Variants in CLGN observed in about 807,000 individuals in gnomAD.
The protein encoded by CLGN is testis tissue sperm-binding protein Li 79P.
In CLGN, 62 loss-of-function variants were observed where a neutral mutation model predicts 79.1. That is an observed-to-expected ratio of 0.78 (90% CI 0.64 to 0.97). The LOEUF (loss-of-function observed/expected upper bound fraction) is 0.97, where lower values mean the gene tolerates loss of function less well. Ranked by LOEUF, CLGN falls within the 50% of genes least tolerant of loss-of-function variation. The pLI, the probability that CLGN is intolerant of heterozygous loss-of-function variation, is 0.00. For synonymous variants in CLGN, 225 were observed against 224.7 expected, an observed-to-expected ratio of 1.00 and a Z score of -0.01; for missense variants, 647 against 715.5, an observed-to-expected ratio of 0.90 and a Z score of 1.09.
intron 5 of CLGN, among the ~76,000 whole-genome samples, chr4:140,403,431 A>G (rs886262592): frequency 2.0e-5 from 3 of 152,224 alleles, no homozygotes; most frequent in African/African-American, 7.2e-5. Flanking sequence ...TTTTAAATAG[A>G]GGACAGTTTG....
rs369975033 is a variant in CLGN, at chr4:140,395,836, C to T, written c.1132G>A (p.Asp378Asn). Reference sequence around the variant, plus strand: ...GTTGTTACCTGATAGTTAGGATTATCGACCAGTGGAGGTCTCCATACTCCT... The same window carrying T: ...GTTGTTACCTGATAGTTAGGATTATTGACCAGTGGAGGTCTCCATACTCCT... ...YKGVWRPPLV[D>N]NPNYQGIWSP... Residue 378 changes from aspartate to asparagine, a missense_variant, in exon 10 of 15, where the codon GAT (aspartate) becomes AAT (asparagine). Coordinates refer to ENST00000325617, the MANE Select transcript of CLGN (RefSeq NM_004362.3). The T allele has an allele frequency of 1.1e-5, 17 of 1,504,816 alleles. No homozygotes were observed. Among genetic ancestry groups the T allele is most frequent in the Admixed American group, 7.3e-5 (3 of 41,266 alleles). The allele number at this position is 1,504,816 out of a possible 1,614,324, so 93.2% of individuals were successfully genotyped here.
In CLGN at chr4:140,406,149, C is replaced by T. The variant is rs1257292407; in HGVS notation, c.278-66G>A. On this transcript the variant is annotated intron_variant, in intron 4 of 14. Transcript: ENST00000325617. ...CATTGACCTAAGAATTATTTATCAG[C>T]AGTTGTGAACAATAATTTTTATCCA... is the stretch of plus-strand genomic sequence containing the variant. 38 of 1,455,804 alleles carry T rather than the reference C, an allele frequency of 2.6e-5. 1 individual carries two copies. The highest frequency in any genetic ancestry group is 3.4e-5 in the Non-Finnish European group (36 of 1,070,438). 90.2% of individuals were successfully genotyped at this position (1,455,804 alleles called of 1,614,324 possible).
At chr4:140,394,210 T>C (rs1728828099) in intron 10 of CLGN, among the ~76,000 whole-genome samples, 169 bp from the exon 11 acceptor site, 1 of 152,202 alleles carries the variant, frequency 6.6e-6, no homozygotes, top group South Asian at 2.1e-4. Context: ...TTGTTTCTTT[T>C]GCTGTGTACA....
intron 3 of CLGN, 111 bp downstream of exon 3, chr4:140,410,442 C>G: frequency 1.4e-6 from 1 of 710,982 alleles, no homozygotes; most frequent in Non-Finnish European, 2.4e-6. Flanking sequence ...AATTAAACTA[C>G]TTTAAAATTT....
intron 1 of CLGN, among the ~76,000 whole-genome samples, chr4:140,418,851 G>C (rs968144957): frequency 2.6e-5 from 4 of 151,986 alleles, no homozygotes; most frequent in Admixed American, 2.6e-4. Flanking sequence ...TCCCATTACT[G>C]GGTATATACC....
rs1729097966 is a variant in CLGN, at chr4:140,405,921, C to A, written c.419+21G>T. ...TAATACAAAATTCAGAAAAAGTATT[C>A]AAAAACATAGCAACACTTACTGAAC... On this transcript the variant is annotated intron_variant, in intron 5 of 14. Transcript: ENST00000325617. 3 of 1,583,600 alleles carry A rather than the reference C, an allele frequency of 1.9e-6. No homozygotes were observed. The East Asian group carries it at 6.8e-5, about 36-fold the overall frequency.
intron 1 of CLGN, among the ~76,000 whole-genome samples, chr4:140,426,940 G>A (rs1257319876): frequency 6.6e-6 from 1 of 152,188 alleles, no homozygotes; most frequent in African/African-American, 2.4e-5. Context: ...TCGAGGGAGC[G>A]GCCAACAGTC....
At chr4:140,395,244 C>T (rs1390558305) in intron 10 of CLGN, among the ~76,000 whole-genome samples, 5 of 151,720 alleles carry the variant, frequency 3.3e-5, no homozygotes, top group Non-Finnish European at 7.4e-5. Flanking sequence ...CCTCCAGGGT[C>T]CAAGAGATTC....
intron 1 of CLGN, among the ~76,000 whole-genome samples, chr4:140,414,906 A>C (rs1729295445): frequency 6.6e-6 from 1 of 150,486 alleles, no homozygotes; most frequent in Non-Finnish European, 1.5e-5. Flanking sequence ...TGTCAGATTC[A>C]CCAAAGTTGA....
intron 1 of CLGN, among the ~76,000 whole-genome samples, chr4:140,426,157 G>A (rs913155236): frequency 2.0e-5 from 3 of 152,034 alleles, no homozygotes; most frequent in African/African-American, 7.3e-5. Flanking sequence ...CACCCAACAT[G>A]GCACAATCGC....
At chr4:140,404,691 G>A (rs565956421) in intron 5 of CLGN, among the ~76,000 whole-genome samples, 3 of 149,478 alleles carry the variant, frequency 2.0e-5, no homozygotes, top group Admixed American at 1.3e-4. Context: ...ATCTCATTCT[G>A]TCACCCAGGC....
chr4:140,418,334 A>T (rs1729388343), intron 1 of CLGN, among the ~76,000 whole-genome samples: 1 of 148,826 alleles, frequency 6.7e-6, no homozygotes, highest in South Asian at 2.2e-4. Flanking sequence ...ATGGCAACAA[A>T]AGCCAAAATT....
intron 1 of CLGN, among the ~76,000 whole-genome samples, chr4:140,423,471 A>G (rs1729508286): frequency 6.6e-6 from 1 of 152,228 alleles, no homozygotes; most frequent in African/African-American, 2.4e-5. Context: ...ATCAATAATC[A>G]TCTGGAATAT....
chr4:140,416,978 A>T (rs1729345857), intron 1 of CLGN, among the ~76,000 whole-genome samples: 1 of 152,202 alleles, frequency 6.6e-6, no homozygotes, highest in Non-Finnish European at 1.5e-5. Flanking sequence ...TGAATCCAGC[A>T]GCACATCAAA....
chr4:140,393,419 T>C (rs1021964851), intron 11 of CLGN, among the ~76,000 whole-genome samples: 8 of 152,114 alleles, frequency 5.3e-5, no homozygotes, highest in African/African-American at 1.9e-4. Context: ...TGGAACAGAA[T>C]TTAATAATGT....
chr4:140,399,166 A>G, intron 7 of CLGN, 126 bp from the exon 8 acceptor site: 1 of 699,786 alleles, frequency 1.4e-6, no homozygotes, highest in Middle Eastern at 3.4e-4. Flanking sequence ...AAATAGAGGA[A>G]TAACCAATGT....
intron 1 of CLGN, among the ~76,000 whole-genome samples, chr4:140,422,762 A>G (rs1230185450): frequency 6.6e-6 from 1 of 151,826 alleles, no homozygotes; most frequent in African/African-American, 2.4e-5. Flanking sequence ...ACTACAGGCA[A>G]GCATCACCAT....
intron 13 of CLGN, among the ~76,000 whole-genome samples, chr4:140,391,817 G>T (rs1156789867): frequency 6.6e-6 from 1 of 151,828 alleles, no homozygotes. Context: ...GCTGTTGGAA[G>T]ACTTGGTGTT....
rs1215884688 is a variant in CLGN at position 140,418,707 on chromosome 4, G to T, written c.-9-5620C>A. Among the ~76,000 whole-genome samples, 533 of 151,234 alleles carry T rather than the reference G, an allele frequency of 3.5e-3. 2 individuals carry two copies. The highest frequency in any genetic ancestry group is 8.5e-3 in the Admixed American group (129 of 15,214). On this transcript the variant is annotated intron_variant, in intron 1 of 14. Coordinates refer to ENST00000325617, the MANE Select transcript of CLGN (RefSeq NM_004362.3). ...TCATTAAAAAGTCAGGAAACAACAG[G>T]TGCTGGAGAGGATGTGGAGAAATAG... is the stretch of plus-strand genomic sequence containing the variant.
Sources: allele counts gnomAD v4.1 joint callset (sites outside exome capture counted in the v4.1 genomes callset), GRCh38; gene constraint gnomAD v4.1.1; transcripts MANE v1.5; gene names NCBI Gene and HGNC (gene_info 2026-07-23, HGNC 2026-07-21).